The following CTNNAL1 variants were observed in gnomAD, a reference collection of about 807,000 sequenced individuals.
CTNNAL1 encodes alpha-catulin.
CTNNAL1 carries 69 observed loss-of-function variants against 93.6 expected under a neutral mutation model. The ratio of observed to expected loss-of-function variants is 0.74; its 90% CI spans 0.61 to 0.90. The LOEUF is 0.90. Among genes scored for constraint, CTNNAL1 ranks in the 40% least tolerant of loss-of-function variants. The pLI, the probability that CTNNAL1 is intolerant of heterozygous loss-of-function variation, is 0.00. For missense variants in CTNNAL1, 836 were observed against 862.0 expected (o/e 0.97, Z 0.38); for synonymous variants, 286 against 305.4 (o/e 0.94, Z 0.66).
intron 10 of CTNNAL1, among the ~76,000 whole-genome samples, chr9:108,966,458 C>A (rs1481610877): frequency 6.6e-6 from 1 of 152,168 alleles, no homozygotes; most frequent in Non-Finnish European, 1.5e-5. Context: ...ATGTGGGTCA[C>A]CACTTCCATC....
intron 17 of CTNNAL1, among the ~76,000 whole-genome samples, chr9:108,943,344 C>T (rs1830302734): frequency 6.6e-6 from 1 of 152,194 alleles, no homozygotes; most frequent in South Asian, 2.1e-4. Flanking sequence ...AATTAAATCC[C>T]ATCCTTTGCA....
chr9:108,951,549 G>C (rs1052542525), intron 14 of CTNNAL1, among the ~76,000 whole-genome samples: 5 of 152,174 alleles, frequency 3.3e-5, no homozygotes, highest in Non-Finnish European at 5.9e-5. Context: ...AAAGCTTGAA[G>C]TTATTCCTTG....
At chr9:108,974,785 C>T (rs989563546) in intron 8 of CTNNAL1, among the ~76,000 whole-genome samples, 2 of 152,078 alleles carry the variant, frequency 1.3e-5, no homozygotes, top group African/African-American at 4.8e-5. Flanking sequence ...CATGTTCACA[C>T]CATTGTCTGG....
Position 108,955,779 on chromosome 9 carries a change from C to A in CTNNAL1, c.1629+11G>T, listed in dbSNP as rs772156991. ...AAAACATTCTGCAATGTACATAATT[C>A]TTCTACTTACCATTGGCTTTGGAAG... On this transcript the variant is annotated intron_variant, in intron 12 of 18. Coordinates refer to ENST00000325551, the MANE Select transcript of CTNNAL1 (RefSeq NM_003798.4). The A allele has an allele frequency of 3.1e-6, 5 of 1,599,380 alleles. No homozygotes were observed. Among genetic ancestry groups the A allele is most frequent in the South Asian group, 1.1e-5 (1 of 88,896 alleles).
intron 14 of CTNNAL1, among the ~76,000 whole-genome samples, chr9:108,950,197 A>C (rs1245083814): frequency 6.6e-6 from 1 of 152,226 alleles, no homozygotes; most frequent in South Asian, 2.1e-4. Flanking sequence ...GATTCCAGCC[A>C]AAAGCTGAGA....
chr9:108,992,501 C>A, intron 3 of CTNNAL1, 131 bp downstream of exon 3: 1 of 1,173,310 alleles, frequency 8.5e-7, no homozygotes, highest in Non-Finnish European at 1.2e-6. Flanking sequence ...TCCTGCATTG[C>A]ACATTAATTC....
At chr9:109,008,160 T>C (rs1418535388) in intron 1 of CTNNAL1, among the ~76,000 whole-genome samples, 1 of 141,888 alleles carries the variant, frequency 7.0e-6, no homozygotes, top group Non-Finnish European at 1.5e-5. Flanking sequence ...TTCTTTTTTT[T>C]TTTTTTTTTT....
chr9:108,958,063 C>CAAAAAAAAAA (rs11291554), intron 11 of CTNNAL1, among the ~76,000 whole-genome samples: 11 of 85,112 alleles, frequency 1.3e-4, no homozygotes, highest in Admixed American at 1.4e-4. Flanking sequence ...AAGACTGTCT[C>CAAAAAAAAAA]AAAAAAAAAA....
At chr9:108,998,958 A>C in intron 2 of CTNNAL1, 109 bp downstream of exon 2, 2 of 1,290,342 alleles carry the variant, frequency 1.5e-6, no homozygotes, top group Non-Finnish European at 1.0e-6. Context: ...TCTGAGGCAG[A>C]CATAATCAAA....
intron 8 of CTNNAL1, 31 bp from the exon 9 acceptor site, chr9:108,972,864 G>GGGGGCCCCCCC: frequency 9.2e-4 from 130 of 141,570 alleles, no homozygotes; most frequent in Non-Finnish European, 1.2e-3. Flanking sequence ...GGGGGGGTGG[G>GGGGGCCCCCCC]AGGGTGGAGA....
intron 7 of CTNNAL1, among the ~76,000 whole-genome samples, chr9:108,978,725 C>T (rs1831334746): frequency 1.3e-5 from 2 of 152,172 alleles, no homozygotes; most frequent in Non-Finnish European, 1.5e-5. Context: ...ACAGAGTGGC[C>T]ACCCACCAAT....
chr9:108,971,823 T>A (rs1255218491), intron 9 of CTNNAL1, among the ~76,000 whole-genome samples: 1 of 152,182 alleles, frequency 6.6e-6, no homozygotes, highest in African/African-American at 2.4e-5. Context: ...GAATATCAAT[T>A]AATAAGCCTA....
intron 1 of CTNNAL1, among the ~76,000 whole-genome samples, chr9:109,010,289 T>C (rs1386389510): frequency 1.3e-5 from 2 of 152,240 alleles, no homozygotes; most frequent in Non-Finnish European, 2.9e-5. Flanking sequence ...ATTTTTATAA[T>C]TTACTTGTAG....
At chr9:108,946,641 A>G (rs1234092315) in intron 15 of CTNNAL1, among the ~76,000 whole-genome samples, 1 of 152,170 alleles carries the variant, frequency 6.6e-6, no homozygotes, top group Non-Finnish European at 1.5e-5. Context: ...CTTATTGTCT[A>G]TATTCTGCCA....
chr9:108,987,864 T>C (rs200153909), intron 4 of CTNNAL1, among the ~76,000 whole-genome samples: 1 of 152,176 alleles, frequency 6.6e-6, no homozygotes, highest in Non-Finnish European at 1.5e-5. Flanking sequence ...CTTGTGATTT[T>C]TGCACATTGA....
At chr9:108,959,222 G>A (rs141184426) in intron 11 of CTNNAL1, among the ~76,000 whole-genome samples, 10,733 of 151,534 alleles carry the variant, frequency 0.071, 473 homozygotes, top group Admixed American at 0.13. Flanking sequence ...AAAATTAGCC[G>A]GGTGTGGTGG....
chr9:108,986,282 G>GT (rs1564140553), intron 4 of CTNNAL1, among the ~76,000 whole-genome samples: 1 of 150,650 alleles, frequency 6.6e-6, no homozygotes, highest in Non-Finnish European at 1.5e-5. Flanking sequence ...GCAGTGTTTG[G>GT]TTTTTTGTCC....
intron 5 of CTNNAL1, among the ~76,000 whole-genome samples, chr9:108,983,766 T>C (rs1020944656): frequency 2.6e-5 from 4 of 152,224 alleles, no homozygotes; most frequent in Non-Finnish European, 4.4e-5. Context: ...AAGTCTGTTT[T>C]TGTGGCTTCA....
At chr9:109,013,268 A>C in intron 1 of CTNNAL1, 34 bp downstream of exon 1, 5 of 1,056,824 alleles carry the variant, frequency 4.7e-6, no homozygotes, top group Non-Finnish European at 5.1e-6. Context: ...CGCGGCGGGA[A>C]GGAGAAGAGG....
Sources: allele counts gnomAD v4.1 joint callset (sites outside exome capture counted in the v4.1 genomes callset), GRCh38; gene constraint gnomAD v4.1.1; transcripts MANE v1.5; gene names NCBI Gene and HGNC (gene_info 2026-07-23, HGNC 2026-07-21).